Variants in MOB1A observed in about 807,000 individuals in gnomAD.
The protein encoded by MOB1A is MOB1 Mps One Binder homolog A.
Under a neutral mutation model 25.1 loss-of-function variants are expected in MOB1A, and 10 were observed. The observed-to-expected ratio is 0.40, with a 90% confidence interval of 0.25 to 0.68. MOB1A has a LOEUF of 0.68. Among genes scored for constraint, MOB1A ranks in the 30% least tolerant of loss-of-function variants. The probability of loss-of-function intolerance (pLI) is 0.40; values close to 1 mark genes in which losing one functional copy is unlikely to be tolerated. For synonymous variants in MOB1A, 81 were observed against 79.5 expected (o/e 1.02, Z -0.10); for missense variants, 177 against 256.3 (o/e 0.69, Z 2.11).
In MOB1A at chr2:74,172,798, T is replaced by C. The variant is rs368189912; in HGVS notation, c.15-46A>G. ...GTATATGAATTTTTAAGACTGGAAG[T>C]AGAACAGGTAGAACAACATAATTTT... On this transcript the variant is annotated intron_variant, in intron 1 of 5. Transcript: ENST00000396049. 1.7e-5 allele frequency: 26 copies of C among 1,532,984 alleles called. No homozygotes were observed. The African/African-American group carries it at 3.4e-4, about 20-fold the overall frequency. The allele number at this position is 1,532,984 out of a possible 1,614,324, so 95.0% of individuals were successfully genotyped here. A position where few individuals can be genotyped will look rare whatever the true frequency, so the allele number is the denominator to read the frequency against.
In MOB1A at chr2:74,156,327, G is replaced by C; in HGVS notation, c.*241C>G. ...ACCATCACATATTACAACCAAGTAT[G>C]ACTATGTGATAACAACAAGAGTGGT... On this transcript the variant is annotated 3_prime_UTR_variant, in exon 6 of 6. Coordinates refer to ENST00000396049, the MANE Select transcript of MOB1A (RefSeq NM_018221.5). 2.2e-6 allele frequency: 1 copy of C among 458,752 alleles called. No homozygotes were observed. Among genetic ancestry groups the C allele is most frequent in the Non-Finnish European group, 3.9e-6 (1 of 258,592 alleles). 28.4% of individuals were successfully genotyped at this position (458,752 alleles called of 1,614,324 possible).
intron 3 of MOB1A, 110 bp from the exon 4 acceptor site, chr2:74,165,461 T>C: frequency 5.1e-6 from 3 of 585,594 alleles, no homozygotes; most frequent in Non-Finnish European, 8.1e-6. Flanking sequence ...TACATCTAAC[T>C]TTAATAAATC....
At chr2:74,165,638 A>G (rs760773004) in intron 3 of MOB1A, among the ~76,000 whole-genome samples, 1 of 152,218 alleles carries the variant, frequency 6.6e-6, no homozygotes, top group Non-Finnish European at 1.5e-5. Flanking sequence ...GCATTCCTGT[A>G]AAGCAGAAGG....
intron 2 of MOB1A, among the ~76,000 whole-genome samples, chr2:74,168,633 G>A (rs1693198018): frequency 6.6e-6 from 1 of 151,994 alleles, no homozygotes; most frequent in Middle Eastern, 3.4e-3. Flanking sequence ...ACCCTGTCTC[G>A]AAAAAATAAA....
At chr2:74,177,130 T>G (rs893903873) in intron 1 of MOB1A, among the ~76,000 whole-genome samples, 1 of 151,734 alleles carries the variant, frequency 6.6e-6, no homozygotes, top group Non-Finnish European at 1.5e-5. Context: ...CTGGCCAACA[T>G]GATGAAACCC....
At chr2:74,161,108 G>A (rs1037245159) in intron 4 of MOB1A, among the ~76,000 whole-genome samples, 1 of 152,174 alleles carries the variant, frequency 6.6e-6, no homozygotes, top group Non-Finnish European at 1.5e-5. Context: ...TTAAAGGCCT[G>A]TTCCACAACG....
chr2:74,175,549 T>A (rs1693427965), intron 1 of MOB1A, among the ~76,000 whole-genome samples: 1 of 152,206 alleles, frequency 6.6e-6, no homozygotes, highest in African/African-American at 2.4e-5. Flanking sequence ...TATCTATTAA[T>A]ACTGAAAAGC....
Position 74,156,229 on chromosome 2 carries a change from A to G in MOB1A, c.*339T>C. On this transcript the variant is annotated 3_prime_UTR_variant, in exon 6 of 6. Transcript: ENST00000396049. The stretch of plus-strand genomic sequence containing the variant: ...TGTGCTGTCACCTAAAACAGATTCA[A>G]TCATTTTCTTGTAAAGAAATGACTG... 1 of 191,324 alleles carries G rather than the reference A, an allele frequency of 5.2e-6. No individual in the cohort carries two copies. Among genetic ancestry groups the G allele is most frequent in the Non-Finnish European group, 1.1e-5 (1 of 93,592 alleles). 11.9% of individuals were successfully genotyped at this position (191,324 alleles called of 1,614,324 possible). A position where few individuals can be genotyped will look rare whatever the true frequency, so the allele number is the denominator to read the frequency against.
At chr2:74,159,522 A>T (rs938833590) in intron 4 of MOB1A, among the ~76,000 whole-genome samples, 1 of 152,116 alleles carries the variant, frequency 6.6e-6, no homozygotes, top group African/African-American at 2.4e-5. Flanking sequence ...CCTGAGCTCA[A>T]GCAATCTGCC....
intron 4 of MOB1A, among the ~76,000 whole-genome samples, chr2:74,160,591 C>T (rs1250948327): frequency 1.3e-5 from 2 of 152,058 alleles, no homozygotes; most frequent in African/African-American, 4.8e-5. Context: ...ATCCCAGCTA[C>T]TCGGGAGGCT....
At chr2:74,175,221 C>T (rs1424433914) in intron 1 of MOB1A, among the ~76,000 whole-genome samples, 2 of 152,264 alleles carry the variant, frequency 1.3e-5, no homozygotes, top group Non-Finnish European at 2.9e-5. Context: ...TGATCTGTCA[C>T]TCTCTCCCAT....
chr2:74,173,785 C>T (rs1420629505), intron 1 of MOB1A, among the ~76,000 whole-genome samples: 1 of 149,324 alleles, frequency 6.7e-6, no homozygotes, highest in Non-Finnish European at 1.5e-5. Flanking sequence ...CCCGTCTCTA[C>T]TAAAAATACA....
In MOB1A at chr2:74,174,073, C is replaced by A. The variant is rs1188872804; in HGVS notation, c.15-1321G>T. ...ACGAGGTCAAGAGATTGAGACTATC[C>A]TGCCCAACATGGTGAAACCCCGTCT... On this transcript the variant is annotated intron_variant, in intron 1 of 5. Coordinates refer to ENST00000396049, the MANE Select transcript of MOB1A (RefSeq NM_018221.5). Among the ~76,000 whole-genome samples, 83 of 150,738 alleles carry A rather than the reference C, an allele frequency of 5.5e-4. 1 individual carries two copies. The highest frequency in any genetic ancestry group is 1.0e-4 in the Non-Finnish European group (7 of 67,796).
intron 5 of MOB1A, among the ~76,000 whole-genome samples, chr2:74,158,106 G>A (rs1033168037): frequency 1.3e-5 from 2 of 150,392 alleles, no homozygotes; most frequent in African/African-American, 4.9e-5. Context: ...CTTGAACCCA[G>A]GAGGCAAAGG....
At chr2:74,166,971 G>C in intron 3 of MOB1A, 43 bp downstream of exon 3, 2 of 1,370,990 alleles carry the variant, frequency 1.5e-6, no homozygotes. Context: ...TGGTGATAAA[G>C]TAAAACTAAT....
At chr2:74,176,657 G>C (rs1464438099) in intron 1 of MOB1A, among the ~76,000 whole-genome samples, 1 of 151,852 alleles carries the variant, frequency 6.6e-6, no homozygotes, top group Non-Finnish European at 1.5e-5. Flanking sequence ...CCAGCTACTT[G>C]GGAGACTGAG....
At chr2:74,163,915 C>T (rs184880688) in intron 4 of MOB1A, 16 of 151,348 alleles carry the variant, frequency 1.1e-4, no homozygotes, top group African/African-American at 3.9e-4. Context: ...ATTTTTTTTT[C>T]ACCTTGACAA....
In MOB1A at chr2:74,178,699, G is replaced by A. The variant is rs1693550399; in HGVS notation, c.-25C>T. ...TCTTCGGTCCTCAGAGGGGAGGCGA[G>A]GGGCCCCTGGCCCCCGCCTGGATCA... On this transcript the variant is annotated 5_prime_UTR_variant, in exon 1 of 6. Coordinates refer to ENST00000396049, the MANE Select transcript of MOB1A (RefSeq NM_018221.5). 7.7e-7 allele frequency: 1 copy of A among 1,301,872 alleles called. No individual in the cohort carries two copies. Among genetic ancestry groups the A allele is most frequent in the Non-Finnish European group, 9.9e-7 (1 of 1,013,936 alleles). The allele number at this position is 1,301,872 out of a possible 1,614,324, so 80.6% of individuals were successfully genotyped here.
intron 1 of MOB1A, among the ~76,000 whole-genome samples, chr2:74,177,104 G>A (rs905736726): frequency 6.6e-6 from 1 of 152,128 alleles, no homozygotes; most frequent in Non-Finnish European, 1.5e-5. Context: ...TCTGAGGTCA[G>A]GAGTTCGAGA....
Sources: gnomAD v4.1 joint callset for allele counts (sites outside exome capture counted in the v4.1 genomes callset) on GRCh38, gnomAD v4.1.1 for gene constraint, MANE v1.5 for transcripts, NCBI Gene and HGNC (gene_info 2026-07-23, HGNC 2026-07-21) for gene names.